TSACC: variants seen among roughly 807,000 people sequenced by gnomAD.
The protein encoded by TSACC is TSSK6-activating co-chaperone protein.
TSACC carries 3 observed loss-of-function variants against 6.9 expected under a neutral mutation model. The observed-to-expected ratio is 0.43, with a 90% confidence interval of 0.20 to 1.12. The LOEUF is 1.12. TSACC is among the 50% of genes most tolerant of loss of function. The pLI is 0.28. For synonymous variants in TSACC, 54 were observed against 55.1 expected (o/e 0.98, Z 0.09); for missense variants, 137 against 143.9 (o/e 0.95, Z 0.24).
At chr1:156,346,373 A>G (rs1023102267) in intron 3 of TSACC, among the ~76,000 whole-genome samples, 3 of 152,124 alleles carry the variant, frequency 2.0e-5, no homozygotes, top group African/African-American at 7.2e-5. Flanking sequence ...TCATTCACTC[A>G]TCAAATATTT....
Position 156,339,712 on chromosome 1 carries a change from C to T in TSACC, c.-46C>T. 1.2e-6 allele frequency: 2 copies of T among 1,611,640 alleles called. No homozygotes were observed. The highest frequency in any genetic ancestry group is 1.1e-5 in the South Asian group (1 of 90,870). On this transcript the variant is annotated 5_prime_UTR_variant, in exon 2 of 4. Coordinates refer to ENST00000368254, the MANE Select transcript of TSACC (RefSeq NM_001304817.2). ...AATACTAACATGGATTGTTGATCATCTGATGCTATGATTCTTTCCCAGGCA... is the reference window on the plus strand; with the variant it reads ...AATACTAACATGGATTGTTGATCATTTGATGCTATGATTCTTTCCCAGGCA...
intron 1 of TSACC, 149 bp from the exon 2 acceptor site, chr1:156,339,485 G>T (rs1665693023): frequency 4.3e-5 from 17 of 398,284 alleles, no homozygotes; most frequent in Non-Finnish European, 5.5e-5. Context: ...GTTTGGGTTT[G>T]GTTAAATTAC....
chr1:156,338,926 G>A (rs1218291505), intron 1 of TSACC: 1 of 152,534 alleles, frequency 6.6e-6, no homozygotes, highest in Admixed American at 6.5e-5. Context: ...GTACCGGAGG[G>A]TGATGGCTTG....
chr1:156,337,731 T>C (rs1665488805), upstream of TSACC: 2 of 207,404 alleles, frequency 9.6e-6, no homozygotes, highest in Non-Finnish European at 2.0e-5. Context: ...GTAATACAGA[T>C]TGAAACATTT....
Position 156,339,618 on chromosome 1 carries a change from A to T in TSACC, c.-124-16A>T. The T allele has an allele frequency of 9.8e-7, 1 of 1,023,482 alleles. No homozygotes were observed. Among genetic ancestry groups the T allele is most frequent in the Non-Finnish European group, 1.4e-6 (1 of 697,896 alleles). The allele number at this position is 1,023,482 out of a possible 1,614,324, so 63.4% of individuals were successfully genotyped here. Reference sequence around the variant, plus strand: ...GTTTGGCCATGAAATAGAGTTTCCTACTTTTTCCTCTGCAGATTGGAACAG... The same window carrying T: ...GTTTGGCCATGAAATAGAGTTTCCTTCTTTTTCCTCTGCAGATTGGAACAG... On this transcript the variant is annotated splice_polypyrimidine_tract_variant and intron_variant, in intron 1 of 3. Coordinates refer to ENST00000368254, the MANE Select transcript of TSACC (RefSeq NM_001304817.2).
chr1:156,338,355 A>G, upstream of TSACC: 1 of 652,342 alleles, frequency 1.5e-6, no homozygotes, highest in Non-Finnish European at 2.7e-6. Context: ...GATCGGCACA[A>G]AAACAGACCA....
At chr1:156,340,786 T>A (rs1665835042) in intron 2 of TSACC, among the ~76,000 whole-genome samples, 1 of 151,650 alleles carries the variant, frequency 6.6e-6, no homozygotes, top group South Asian at 2.1e-4. Context: ...ATTAACTGGC[T>A]CTTTTCACAG....
intron 3 of TSACC, 46 bp from the exon 4 acceptor site, chr1:156,346,722 C>A: frequency 6.3e-7 from 1 of 1,585,086 alleles, no homozygotes; most frequent in Non-Finnish European, 8.7e-7. Context: ...ATTACCAAAT[C>A]TCTCTCCTTT....
At chr1:156,338,115 C>A (rs748914375), upstream of TSACC, 4 of 1,568,810 alleles carry the variant, frequency 2.5e-6, no homozygotes, top group African/African-American at 4.0e-5. Flanking sequence ...CAGAAGAGGG[C>A]GAAAAGGGGG....
chr1:156,342,861 A>T (rs1261468010), intron 2 of TSACC, among the ~76,000 whole-genome samples: 1 of 152,196 alleles, frequency 6.6e-6, no homozygotes, highest in Non-Finnish European at 1.5e-5. Context: ...TTGTTTTACC[A>T]TCCTTTCTTG....
At chr1:156,338,142 C>T, upstream of TSACC, 1 of 1,583,308 alleles carries the variant, frequency 6.3e-7, no homozygotes. Context: ...TCCTGGCATC[C>T]CCAGAACTCA....
At chr1:156,338,485 G>C (rs1276469556), upstream of TSACC, 1 of 526,728 alleles carries the variant, frequency 1.9e-6, no homozygotes, top group Non-Finnish European at 3.4e-6. Context: ...GCTCCCGGCC[G>C]CGTGCAGCGC....
At position 156,339,834 on chromosome 1, in the gene TSACC, ACCT is replaced by A. The variant is rs1408464632; in HGVS notation, c.34+47_34+49del. The A allele has an allele frequency of 3.1e-6, 5 of 1,609,412 alleles. No homozygotes were observed. The African/African-American group carries it at 5.4e-5, about 17-fold the overall frequency. Reference sequence around the variant, plus strand: ...TGCTTCCCCTCCCTTAAAAAGCAAGACCTCCTTTGCATTCCCCACTAAATGGGA... The same window carrying A: ...TGCTTCCCCTCCCTTAAAAAGCAAGACCTTTGCATTCCCCACTAAATGGGA... On this transcript the variant is annotated intron_variant, in intron 2 of 3. Coordinates refer to ENST00000368254, the MANE Select transcript of TSACC (RefSeq NM_001304817.2).
chr1:156,339,557 G>T lies in TSACC; in HGVS notation c.-124-77G>T, dbSNP rs539129361. ...AACTGTTTTCCAAACTAGTGAAGGG[G>T]CCGTGAGAGCACCAACAGTTCAAGA... is the stretch of plus-strand genomic sequence containing the variant. On this transcript the variant is annotated intron_variant, in intron 1 of 3. Transcript: ENST00000368254. The T allele has an allele frequency of 1.6e-5, 9 of 562,368 alleles. No individual in the cohort carries two copies. The East Asian group carries it at 2.7e-4, about 17-fold the overall frequency. 34.8% of individuals were successfully genotyped at this position (562,368 alleles called of 1,614,324 possible). A position where few individuals can be genotyped will look rare whatever the true frequency, so the allele number is the denominator to read the frequency against.
rs1666077137 is a variant in TSACC at position 156,344,724 on chromosome 1, G to A, written c.163+16G>A. 1 of 1,612,236 alleles carries A rather than the reference G, an allele frequency of 6.2e-7. No homozygotes were observed. The highest frequency in any genetic ancestry group is 1.7e-5 in the Admixed American group (1 of 59,790). ...CTGCCCTCGGGTAAGGATGTAGGGA[G>A]GGTTTTCTAATGGACTCAACAGGGG... On this transcript the variant is annotated intron_variant, in intron 3 of 3. Transcript: ENST00000368254.
chr1:156,341,374 GCCA>G, intron 2 of TSACC, among the ~76,000 whole-genome samples: 2 of 152,094 alleles, frequency 1.3e-5, no homozygotes, highest in South Asian at 4.1e-4. Flanking sequence ...GTTCCCCAGT[GCCA>G]CAAGACTCTC....
At chr1:156,346,646 T>G in intron 3 of TSACC, 122 bp from the exon 4 acceptor site, 2 of 884,636 alleles carry the variant, frequency 2.3e-6, no homozygotes, top group Non-Finnish European at 3.6e-6. Context: ...AAGGTATGTC[T>G]GGGTTGGGTT....
At position 156,346,193 on chromosome 1, in the gene TSACC, CAAAA is replaced by C. The variant is rs60688957; in HGVS notation, c.164-560_164-557del. 9.0e-3 allele frequency among the ~76,000 whole-genome samples: 485 copies of C among 53,610 alleles called. 2 individuals carry two copies. Among genetic ancestry groups the C allele is most frequent in the African/African-American group, 0.027 (425 of 15,658 alleles). The allele number at this position is 53,610 out of a possible 152,430, so 35.2% of individuals were successfully genotyped here. A position where few individuals can be genotyped will look rare whatever the true frequency, so the allele number is the denominator to read the frequency against. ...TGGGTGACAAGTGAAACTCCGTCTCCAAAAAAAAAAAAAAAAAAGAAAAAGAAAA... is the reference window on the plus strand; with the variant it reads ...TGGGTGACAAGTGAAACTCCGTCTCCAAAAAAAAAAAAAAGAAAAAGAAAA... On this transcript the variant is annotated intron_variant, in intron 3 of 3. Coordinates refer to ENST00000368254, the MANE Select transcript of TSACC (RefSeq NM_001304817.2).
chr1:156,338,308 T>C (rs1038055612), upstream of TSACC: 44 of 912,440 alleles, frequency 4.8e-5, no homozygotes, highest in Non-Finnish European at 6.9e-5. Flanking sequence ...AACCCGCTAC[T>C]CTCAAGGTAG....
Sources: gnomAD v4.1 joint callset for allele counts (sites outside exome capture counted in the v4.1 genomes callset) on GRCh38, gnomAD v4.1.1 for gene constraint, MANE v1.5 for transcripts, NCBI Gene and HGNC (gene_info 2026-07-23, HGNC 2026-07-21) for gene names.